Variants in TMEM181 observed in about 807,000 individuals in gnomAD.
The protein encoded by TMEM181 is transmembrane protein 181.
In TMEM181, 39 loss-of-function variants were observed where a neutral mutation model predicts 71.9. The observed-to-expected ratio is 0.54, with a 90% CI of 0.42 to 0.71. TMEM181 has a LOEUF of 0.71. Among genes scored for constraint, TMEM181 ranks in the 30% least tolerant of loss-of-function variants. The probability of loss-of-function intolerance (pLI) is 0.00; values close to 1 mark genes in which losing one functional copy is unlikely to be tolerated. For missense variants in TMEM181, 595 were observed against 583.0 expected (o/e 1.02, Z -0.21); for synonymous variants, 245 against 228.8 (o/e 1.07, Z -0.64).
chr6:158,589,617 G>T, intron 5 of TMEM181, 55 bp from the exon 6 acceptor site: 1 of 1,339,776 alleles, frequency 7.5e-7, no homozygotes, highest in Non-Finnish European at 1.1e-6. Flanking sequence ...TGGGTTATTT[G>T]GCGGGAGCGT....
At chr6:158,612,056 A>C (rs922734366) in intron 10 of TMEM181, among the ~76,000 whole-genome samples, 4 of 151,098 alleles carry the variant, frequency 2.6e-5, no homozygotes, top group African/African-American at 9.8e-5. Context: ...ATTAGGGCCT[A>C]CTTTTTTACT....
intron 6 of TMEM181, among the ~76,000 whole-genome samples, chr6:158,591,027 C>T (rs1249882859): frequency 6.6e-6 from 1 of 152,208 alleles, no homozygotes; most frequent in Non-Finnish European, 1.5e-5. Flanking sequence ...GTCGCGGGAT[C>T]AGTACTTCAC....
At chr6:158,577,029 T>C (rs1159150336) in intron 2 of TMEM181, among the ~76,000 whole-genome samples, 7 of 127,664 alleles carry the variant, frequency 5.5e-5, no homozygotes, top group African/African-American at 1.6e-4. Flanking sequence ...GCCACTGCAC[T>C]CCAGCCTGGG....
intron 2 of TMEM181, among the ~76,000 whole-genome samples, chr6:158,576,214 C>T (rs184753845): frequency 2.7e-4 from 41 of 152,290 alleles, no homozygotes; most frequent in Admixed American, 2.6e-3. Context: ...GCTCTTAGCA[C>T]AGTAGCAGGT....
chr6:158,600,041 C>T (rs1784585097), intron 6 of TMEM181, among the ~76,000 whole-genome samples: 2 of 152,220 alleles, frequency 1.3e-5, no homozygotes, highest in Non-Finnish European at 2.9e-5. Context: ...CTGCAGGCCA[C>T]ATAGCAGGTT....
chr6:158,603,588 G>GTTTTTTTTTTTTTTTT (rs35319740), intron 6 of TMEM181, among the ~76,000 whole-genome samples: 1 of 136,056 alleles, frequency 7.3e-6, no homozygotes, highest in African/African-American at 2.7e-5. Flanking sequence ...TTTTTTTCAG[G>GTTTTTTTTTTTTTTTT]TTTTTTTTTT....
chr6:158,574,919 A>G (rs912278447), intron 2 of TMEM181, among the ~76,000 whole-genome samples: 1 of 152,190 alleles, frequency 6.6e-6, no homozygotes, highest in African/African-American at 2.4e-5. Flanking sequence ...GAACTAGGAG[A>G]GCTGATGGAG....
At chr6:158,541,712 CCAA>C (rs1781353949) in intron 1 of TMEM181, among the ~76,000 whole-genome samples, 2 of 152,204 alleles carry the variant, frequency 1.3e-5, no homozygotes, top group South Asian at 4.1e-4. Flanking sequence ...TTATTTAAGG[CCAA>C]CGTTATTTCC....
intron 4 of TMEM181, among the ~76,000 whole-genome samples, chr6:158,584,331 G>T (rs547334869): frequency 6.6e-5 from 10 of 152,366 alleles, no homozygotes; most frequent in African/African-American, 2.4e-4. Flanking sequence ...ATCTGGGAGA[G>T]AATTAAGACC....
intron 3 of TMEM181, 76 bp from the exon 4 acceptor site, chr6:158,583,878 T>A: frequency 9.5e-7 from 1 of 1,051,140 alleles, no homozygotes; most frequent in Non-Finnish European, 1.4e-6. Flanking sequence ...AAGTAAACTT[T>A]GTGTGTTAAA....
At chr6:158,562,421 T>C (rs1227721510) in intron 1 of TMEM181, among the ~76,000 whole-genome samples, 1 of 151,080 alleles carries the variant, frequency 6.6e-6, no homozygotes, top group Admixed American at 6.6e-5. Flanking sequence ...TTAGCATTTC[T>C]CTGCAAATTT....
chr6:158,583,987 T>C lies in TMEM181; in HGVS notation c.202T>C (p.Ser68Pro), dbSNP rs1278803273. ...KPIQILSNPL[S>P]TYNQQLWLTC... ...AATTCAAATACTTTCAAATCCACTGTCTACATACAATCAGCAACTATGGCT... is the reference window on the plus strand; with the variant it reads ...AATTCAAATACTTTCAAATCCACTGCCTACATACAATCAGCAACTATGGCT... The change falls in exon 4 of 17, where the codon TCT becomes CCT. Residue 68 changes from serine (S) to proline (P), a missense_variant. Ser to Pro is a moderately conservative substitution (Grantham distance 74). Coordinates refer to ENST00000684151, the MANE Select transcript of TMEM181 (RefSeq NM_001376852.1). The C allele has an allele frequency of 1.2e-6, 2 of 1,611,848 alleles. No homozygotes were observed. Among genetic ancestry groups the C allele is most frequent in the African/African-American group, 1.3e-5 (1 of 74,908 alleles).
intron 5 of TMEM181, among the ~76,000 whole-genome samples, chr6:158,586,900 C>T (rs577790858): frequency 1.7e-4 from 26 of 152,268 alleles, no homozygotes; most frequent in African/African-American, 5.5e-4. Context: ...GGCATCCCTG[C>T]GTCCCCCAGT....
rs1012981944 is a variant in TMEM181, at chr6:158,620,622, T to A, written c.897-2928T>A. Among the ~76,000 whole-genome samples the A allele has an allele frequency of 4.0e-5, 6 of 151,824 alleles. No homozygotes were observed. The highest frequency in any genetic ancestry group is 1.5e-4 in the African/African-American group (6 of 41,292). On this transcript the variant is annotated intron_variant, in intron 10 of 16. Coordinates refer to ENST00000684151, the MANE Select transcript of TMEM181 (RefSeq NM_001376852.1). This position sits in a 1 kb window ranked among gnomAD's most constrained non-coding sequence, Gnocchi z 4.5. ...AGGGTTTTGAGAGCCCACTGGGGAG[T>A]AGCCCCCGCCCGAGCCTCGCAGTCC...
intron 10 of TMEM181, among the ~76,000 whole-genome samples, chr6:158,618,422 C>G (rs545023792): frequency 6.6e-6 from 1 of 152,318 alleles, no homozygotes; most frequent in South Asian, 2.1e-4. Context: ...ATACATCATA[C>G]TGATGGGTCT....
At chr6:158,625,657 G>A (rs746931298) in intron 12 of TMEM181, 46 bp from the exon 13 acceptor site, 2 of 1,505,674 alleles carry the variant, frequency 1.3e-6, no homozygotes, top group Non-Finnish European at 9.1e-7. Context: ...TAAAATGCAA[G>A]TGGAATTTAC....
upstream of TMEM181, among the ~76,000 whole-genome samples, chr6:158,555,906 A>G (rs1401023079): frequency 2.0e-5 from 3 of 152,246 alleles, no homozygotes; most frequent in Non-Finnish European, 4.4e-5. Context: ...GGGAAAAAAG[A>G]CGAATCATTT....
At chr6:158,602,056 A>G (rs1167877038) in intron 6 of TMEM181, among the ~76,000 whole-genome samples, 1 of 151,970 alleles carries the variant, frequency 6.6e-6, no homozygotes, top group Non-Finnish European at 1.5e-5. Context: ...ACCAGCCATC[A>G]CCCCTAAACA....
intron 1 of TMEM181, among the ~76,000 whole-genome samples, chr6:158,566,864 T>G (rs920267349): frequency 3.3e-5 from 5 of 152,108 alleles, no homozygotes; most frequent in Non-Finnish European, 7.4e-5. Context: ...AAGCAGTCTT[T>G]TGGGAAAGAA....
Sources: gnomAD v4.1 joint callset for allele counts (sites outside exome capture counted in the v4.1 genomes callset) on GRCh38, gnomAD v4.1.1 for gene constraint, Gnocchi (gnomAD v3.1) non-coding constraint, MANE v1.5 for transcripts, NCBI Gene and HGNC (gene_info 2026-07-23, HGNC 2026-07-21) for gene names.